Variants in FAM177A1 observed in about 807,000 individuals in gnomAD.
FAM177A1 encodes protein FAM177A1.
Under a neutral mutation model 26.1 loss-of-function variants are expected in FAM177A1, and 22 were observed. That is an observed-to-expected ratio of 0.84 (90% CI 0.60 to 1.20). FAM177A1 has a LOEUF of 1.20. Among genes scored for constraint, FAM177A1 ranks in the 50% most tolerant of loss-of-function variants. The probability of loss-of-function intolerance (pLI) is 0.00; values close to 1 mark genes in which losing one functional copy is unlikely to be tolerated. For missense variants in FAM177A1, 296 were observed against 291.1 expected (o/e 1.02, Z -0.12); for synonymous variants, 95 against 99.3 (o/e 0.96, Z 0.26).
chr14:35,073,372 G>T (rs1390016116), intron 2 of FAM177A1, among the ~76,000 whole-genome samples: 1 of 152,178 alleles, frequency 6.6e-6, no homozygotes, highest in Non-Finnish European at 1.5e-5. Context: ...ACTGCCCAGG[G>T]TTCTCTTCTA....
At chr14:35,077,859 C>T (rs1222046049) in intron 3 of FAM177A1, among the ~76,000 whole-genome samples, 4 of 152,310 alleles carry the variant, frequency 2.6e-5, no homozygotes, top group African/African-American at 9.6e-5. Flanking sequence ...CATTCTCAAT[C>T]TGTCTCACTG....
rs113930928 is a variant in FAM177A1, at chr14:35,064,391, A to G, written c.339+10940A>G. Reference sequence around the variant, plus strand: ...AACAGAACATGACTTTGTCTCGAAAACAAACAAACAAAAAAGTACAATGAT... The same window carrying G: ...AACAGAACATGACTTTGTCTCGAAAGCAAACAAACAAAAAAGTACAATGAT... On this transcript the variant is annotated intron_variant, in intron 2 of 4. Coordinates refer to ENST00000280987, the MANE Select transcript of FAM177A1 (RefSeq NM_173607.5). 6.6e-5 allele frequency among the ~76,000 whole-genome samples: 10 copies of G among 151,816 alleles called. 1 individual carries two copies. Among genetic ancestry groups the G allele is most frequent in the Admixed American group, 3.3e-4 (5 of 15,246 alleles).
intron 2 of FAM177A1, among the ~76,000 whole-genome samples, chr14:35,062,688 G>GA (rs908428155): frequency 5.5e-4 from 84 of 151,780 alleles, no homozygotes; most frequent in African/African-American, 2.0e-3. Flanking sequence ...CTTTGCTTTG[G>GA]AGGGCTGAGG....
At chr14:35,064,047 CA>C (rs575915029) in intron 2 of FAM177A1, among the ~76,000 whole-genome samples, 25,673 of 79,358 alleles carry the variant, frequency 0.32, 2,193 homozygotes, top group East Asian at 0.43. Context: ...GACTCTGTCT[CA>C]AAAAAAAAAA....
At chr14:35,075,739 A>C (rs1251572491) in intron 2 of FAM177A1, among the ~76,000 whole-genome samples, 1 of 152,258 alleles carries the variant, frequency 6.6e-6, no homozygotes, top group Non-Finnish European at 1.5e-5. Flanking sequence ...CAATGAACTC[A>C]AACAAATTTA....
chr14:35,046,774 T>C, intron 1 of FAM177A1, 146 bp downstream of exon 1: 1 of 1,385,666 alleles, frequency 7.2e-7, no homozygotes, highest in Non-Finnish European at 9.3e-7. Context: ...CTGTTTCTGC[T>C]CACTGAGACC....
In FAM177A1 at chr14:35,077,207, ACT is replaced by A; in HGVS notation, c.403_404del (p.Cys137Ter). On this transcript the variant is annotated frameshift_variant, in exon 3 of 5. Transcript: ENST00000280987. LOFTEE classifies it high-confidence loss of function. ...TTACATGCTTCGGGCTGCTACATCA[ACT>A]CTCTCAGGTATTGCTTTTCTGCTTG... The part of the protein sequence containing the change: ...WFYMLRAATS[T>X]LSVCDFLGEK... The A allele has an allele frequency of 6.2e-7, 1 of 1,612,346 alleles. No individual in the cohort carries two copies. The highest frequency in any genetic ancestry group is 8.5e-7 in the Non-Finnish European group (1 of 1,179,362).
At chr14:35,052,585 A>C (rs2044991524) in intron 1 of FAM177A1, among the ~76,000 whole-genome samples, 1 of 151,896 alleles carries the variant, frequency 6.6e-6, no homozygotes, top group Non-Finnish European at 1.5e-5. Flanking sequence ...ATCTCCCACT[A>C]TATATATAGA....
In FAM177A1 at chr14:35,081,292, T is replaced by C; in HGVS notation, c.*64T>C. ...TTTTTTTAATACAAAAACTTTCACA[T>C]TCTTTATTCAGTGGGACTTAATACA... On this transcript the variant is annotated 3_prime_UTR_variant, in exon 5 of 5. Transcript: ENST00000280987. The C allele has an allele frequency of 6.8e-7, 1 of 1,472,920 alleles. No homozygotes were observed. The highest frequency in any genetic ancestry group is 9.2e-7 in the Non-Finnish European group (1 of 1,092,476). The allele number at this position is 1,472,920 out of a possible 1,614,324, so 91.2% of individuals were successfully genotyped here.
Position 35,053,500 on chromosome 14 carries a change from TA to T in FAM177A1, c.339+50del, listed in dbSNP as rs1566667340. The T allele has an allele frequency of 2.5e-6, 4 of 1,587,018 alleles. No homozygotes were observed. In the African/African-American group the frequency reaches 4.1e-5, roughly 16 times the overall value. Reference sequence around the variant, plus strand: ...TTCCTCAGTGGGCTTTGTTTTGATTTATTTTTTTTCCCTAAACATTGAGTGG... The same window carrying T: ...TTCCTCAGTGGGCTTTGTTTTGATTTTTTTTTTTCCCTAAACATTGAGTGG... On this transcript the variant is annotated intron_variant, in intron 2 of 4. Transcript: ENST00000280987.
intron 2 of FAM177A1, among the ~76,000 whole-genome samples, chr14:35,073,911 G>A (rs1162087265): frequency 6.6e-6 from 1 of 152,148 alleles, no homozygotes; most frequent in Non-Finnish European, 1.5e-5. Context: ...AACCTGTTCT[G>A]ATAGATATCC....
At chr14:35,069,342 A>G (rs971343137) in intron 2 of FAM177A1, among the ~76,000 whole-genome samples, 13 of 150,844 alleles carry the variant, frequency 8.6e-5, no homozygotes, top group East Asian at 5.8e-4. Context: ...CTGGAGTGCA[A>G]TGGCGCAATC....
In FAM177A1 at chr14:35,070,029, T is replaced by G. The variant is rs536832219; in HGVS notation, c.340-7121T>G. Among the ~76,000 whole-genome samples the G allele has an allele frequency of 4.1e-3, 574 of 140,414 alleles. 6 individuals are homozygous for G. Among genetic ancestry groups the G allele is most frequent in the African/African-American group, 0.015 (556 of 36,994 alleles). 92.1% of individuals were successfully genotyped at this position (140,414 alleles called of 152,430 possible). ...TACTCGGGAGGCTAAGGCAGAGAAT[T>G]GCTTGAACCTGGGAGGTGGAGGTTG... is the stretch of plus-strand genomic sequence containing the variant. On this transcript the variant is annotated intron_variant, in intron 2 of 4. Transcript: ENST00000280987.
At chr14:35,051,860 C>T (rs770955074) in intron 1 of FAM177A1, among the ~76,000 whole-genome samples, 9 of 152,212 alleles carry the variant, frequency 5.9e-5, no homozygotes, top group Non-Finnish European at 1.2e-4. Context: ...AACAAAGTAG[C>T]TTATACTTGC....
chr14:35,071,324 CAAAT>C (rs2138560630), intron 2 of FAM177A1, among the ~76,000 whole-genome samples: 2 of 152,120 alleles, frequency 1.3e-5, no homozygotes, highest in South Asian at 4.1e-4. Context: ...TGTTCTACAA[CAAAT>C]AAATATGACT....
intron 1 of FAM177A1, among the ~76,000 whole-genome samples, chr14:35,051,350 C>T (rs2044967272): frequency 1.3e-5 from 2 of 152,198 alleles, no homozygotes; most frequent in East Asian, 1.9e-4. Flanking sequence ...CAACTCCTGA[C>T]ATCAGGTTAT....
At chr14:35,076,430 T>C (rs1342886681) in intron 2 of FAM177A1, among the ~76,000 whole-genome samples, 3 of 141,900 alleles carry the variant, frequency 2.1e-5, no homozygotes, top group Non-Finnish European at 4.6e-5. Flanking sequence ...CATCACACAC[T>C]GGGGCCTGTT....
intron 4 of FAM177A1, 128 bp downstream of exon 4, chr14:35,079,152 G>A: frequency 1.6e-6 from 1 of 620,962 alleles, no homozygotes; most frequent in South Asian, 2.2e-5. Flanking sequence ...TTTCATTCTA[G>A]AATCATTAAT....
chr14:35,050,153 C>T (rs888956062), intron 1 of FAM177A1: 2 of 151,976 alleles, frequency 1.3e-5, no homozygotes, highest in African/African-American at 2.4e-5. Flanking sequence ...ATTATAGGCA[C>T]GCTCCACCGC....
Sources: gnomAD v4.1 joint callset for allele counts (sites outside exome capture counted in the v4.1 genomes callset) on GRCh38, gnomAD v4.1.1 for gene constraint, MANE v1.5 for transcripts, NCBI Gene and HGNC (gene_info 2026-07-23, HGNC 2026-07-21) for gene names.